Variants in TEKTL1 observed in about 807,000 individuals in gnomAD.
TEKTL1 encodes tektin-like protein 1.
At chr19:15,016,253 G>C in the TEKTL1 span, among the ~76,000 whole-genome samples, 2 of 142,574 alleles carry the variant, frequency 1.4e-5, no homozygotes, top group African/African-American at 5.2e-5. Flanking sequence ...GGCGTGGCGT[G>C]ATCGCAGCTC....
the TEKTL1 span, among the ~76,000 whole-genome samples, chr19:15,019,249 T>C: frequency 6.6e-6 from 1 of 152,190 alleles, no homozygotes; most frequent in African/African-American, 2.4e-5. Context: ...ACACCCAGCC[T>C]GAATGCAGTG....
the TEKTL1 span, among the ~76,000 whole-genome samples, chr19:15,013,051 C>T: frequency 6.6e-6 from 1 of 152,122 alleles, no homozygotes; most frequent in Non-Finnish European, 1.5e-5. Context: ...TTCAGACTCC[C>T]AACCCTCACA....
the TEKTL1 span, among the ~76,000 whole-genome samples, chr19:15,022,621 G>A: frequency 6.6e-6 from 1 of 151,852 alleles, no homozygotes; most frequent in Non-Finnish European, 1.5e-5. Context: ...GAGCCACCGC[G>A]TCCGGCCCTG....
At chr19:15,013,878 T>C in the TEKTL1 span, 1 of 708,336 alleles carries the variant, frequency 1.4e-6, no homozygotes, top group Non-Finnish European at 2.5e-6. Context: ...TAGCAATTCC[T>C]TCAAGCCACA....
chr19:15,023,182 A>G, the TEKTL1 span: 1 of 1,448,952 alleles, frequency 6.9e-7, no homozygotes, highest in Non-Finnish European at 9.2e-7. Flanking sequence ...CGGAGAGCAG[A>G]CACAGCCCCA....
chr19:15,011,748 A>T, the TEKTL1 span, among the ~76,000 whole-genome samples: 1 of 151,816 alleles, frequency 6.6e-6, no homozygotes, highest in Non-Finnish European at 1.5e-5. Flanking sequence ...AAAAAAAAAA[A>T]AAAATATTTC....
the TEKTL1 span, chr19:15,021,398 C>T: frequency 6.2e-7 from 1 of 1,614,122 alleles, no homozygotes; most frequent in Non-Finnish European, 8.5e-7. Flanking sequence ...TTGGTCGAGT[C>T]CAAGGACACC....
chr19:15,012,319 T>C, the TEKTL1 span, among the ~76,000 whole-genome samples: 1 of 151,692 alleles, frequency 6.6e-6, no homozygotes, highest in Non-Finnish European at 1.5e-5. Context: ...ATCCCAGCAC[T>C]TCAGGACACC....
the TEKTL1 span, chr19:15,023,065 G>A: frequency 6.2e-7 from 1 of 1,611,076 alleles, no homozygotes; most frequent in Non-Finnish European, 8.5e-7. Context: ...GCCTGGTTAA[G>A]GACTGGGACC....
the TEKTL1 span, chr19:15,021,845 C>G: frequency 6.2e-7 from 1 of 1,614,002 alleles, no homozygotes; most frequent in Non-Finnish European, 8.5e-7. Context: ...CGCAGAAAAG[C>G]TGGACAGACC....
chr19:15,020,856 G>A, the TEKTL1 span, among the ~76,000 whole-genome samples: 38,923 of 150,202 alleles, frequency 0.26, 5,355 homozygotes, highest in Middle Eastern at 0.31. Flanking sequence ...ACTCGCTGAG[G>A]ACTCAGTCAT....
At chr19:15,020,012 CAA>C in the TEKTL1 span, among the ~76,000 whole-genome samples, 24 of 136,528 alleles carry the variant, frequency 1.8e-4, no homozygotes, top group Admixed American at 3.7e-4. Flanking sequence ...TTACCAGTAT[CAA>C]AAAAAAAAAA....
chr19:15,012,470 C>A, the TEKTL1 span, among the ~76,000 whole-genome samples: 2 of 152,108 alleles, frequency 1.3e-5, no homozygotes, highest in Admixed American at 1.3e-4. Flanking sequence ...GAGGCTGAAG[C>A]AGGATTGTTT....
the TEKTL1 span, chr19:15,023,007 T>C: frequency 1.9e-6 from 3 of 1,612,598 alleles, no homozygotes; most frequent in South Asian, 2.2e-5. Flanking sequence ...GTGGTGCGCC[T>C]GCGCCTGCGC....
chr19:15,014,009 GAATCCACTCCTT>G, the TEKTL1 span, among the ~76,000 whole-genome samples: 7 of 152,168 alleles, frequency 4.6e-5, no homozygotes, highest in Non-Finnish European at 7.4e-5. Context: ...CGCAGTCATT[GAATCCACTCCTT>G]AAGGCTGTCC....
the TEKTL1 span, chr19:15,020,696 C>T: frequency 6.5e-7 from 1 of 1,546,652 alleles, no homozygotes; most frequent in Non-Finnish European, 8.8e-7. Flanking sequence ...TTGGTGCCCA[C>T]CCAGATCCCC....
the TEKTL1 span, chr19:15,013,707 G>C: frequency 6.2e-7 from 1 of 1,613,804 alleles, no homozygotes; most frequent in Non-Finnish European, 8.5e-7. Context: ...TTACATGGGA[G>C]AAAGAGGAGC....
At chr19:15,016,780 A>G in the TEKTL1 span, among the ~76,000 whole-genome samples, 7 of 152,202 alleles carry the variant, frequency 4.6e-5, no homozygotes, top group Non-Finnish European at 7.3e-5. Flanking sequence ...CAACTACTCA[A>G]CTTGGCCAGT....
chr19:15,017,748 A>T, the TEKTL1 span, among the ~76,000 whole-genome samples: 13,658 of 152,122 alleles, frequency 0.09, 801 homozygotes, highest in South Asian at 0.21. Context: ...GAAACCAAGC[A>T]ATTGACACCC....
Sources: allele counts gnomAD v4.1 joint callset (sites outside exome capture counted in the v4.1 genomes callset), GRCh38; gene constraint gnomAD v4.1.1; transcripts MANE v1.5; gene names NCBI Gene and HGNC (gene_info 2026-07-23, HGNC 2026-07-21).